AWAT2: variants seen among roughly 807,000 people sequenced by gnomAD.
AWAT2 encodes the protein 11-cis-RE-synthase.
AWAT2 carries 9 observed loss-of-function variants against 22.3 expected under a neutral mutation model. That is an observed-to-expected ratio of 0.40 (90% CI 0.24 to 0.70). The LOEUF (loss-of-function observed/expected upper bound fraction) is 0.70. AWAT2 is among the 30% of genes least tolerant of loss of function. AWAT2 has a pLI of 0.36. For synonymous variants in AWAT2, 100 were observed against 93.4 expected (o/e 1.07, Z -0.40); for missense variants, 217 against 265.9 (o/e 0.82, Z 1.28).
chrX:70,042,208 T>C lies in AWAT2; in HGVS notation c.826A>G (p.Ser276Gly). ...TCACCGATGGTGGTTACAGGCCGACTATAGGGCAGAAGGCCCCAGGAGTTC... is the reference window on the plus strand; with the variant it reads ...TCACCGATGGTGGTTACAGGCCGACCATAGGGCAGAAGGCCCCAGGAGTTC... The part of the protein sequence containing the change: ...TKNSWGLLPY[S>G]RPVTTIVGEP... Residue 276 changes from serine (S) to glycine (G), a missense_variant, in exon 6 of 8, where the codon AGT becomes GGT. Transcript: ENST00000276101. 8.3e-7 allele frequency: 1 copy of C among 1,209,910 alleles called. No homozygotes were observed. Among genetic ancestry groups the C allele is most frequent in the Non-Finnish European group, 1.1e-6 (1 of 894,758 alleles).
intron 2 of AWAT2, 36 bp from the exon 3 acceptor site, chrX:70,044,032 T>C: frequency 8.7e-7 from 1 of 1,155,529 alleles, no homozygotes; most frequent in Non-Finnish European, 1.2e-6. Context: ...GCTTTGTCCA[T>C]TCCCACTGTG....
At chrX:70,045,666 T>G (rs1315030587) in intron 1 of AWAT2, among the ~76,000 whole-genome samples, 1 of 111,882 alleles carries the variant, frequency 8.9e-6, no homozygotes, top group Non-Finnish European at 1.9e-5. Context: ...ATATTATATA[T>G]GCAGCCAAAT....
At chrX:70,044,605 C>G (rs938507190) in intron 1 of AWAT2, 143 bp from the exon 2 acceptor site, 24 of 989,178 alleles carry the variant, frequency 2.4e-5, no homozygotes, top group Non-Finnish European at 3.2e-5. Flanking sequence ...CACCCCAGCA[C>G]CTGGCCCATC....
chrX:70,043,095 G>A lies in AWAT2; in HGVS notation c.621C>T (p.Gly207=), dbSNP rs767915307. The A allele has an allele frequency of 7.5e-6, 9 of 1,194,835 alleles. No individual in the cohort carries two copies. The highest frequency in any genetic ancestry group is 1.0e-5 in the Non-Finnish European group (9 of 886,989). ...CATGCTGAAGGGCCATGCGCACAAA[G>A]CCAGACCGGTTCTTCAACACCAGGG... ...SSTLVLKNRS[G]FVRMALQHGV... The change falls in exon 5 of 8, where the codon GGC becomes GGT. Residue 207 remains glycine (G), a synonymous_variant. Coordinates refer to ENST00000276101, the MANE Select transcript of AWAT2 (RefSeq NM_001002254.1).
At chrX:70,043,033 A>G in intron 5 of AWAT2, 36 bp downstream of exon 5, 1 of 1,134,688 alleles carries the variant, frequency 8.8e-7, no homozygotes, top group South Asian at 2.2e-5. Context: ...ACACTTTTGG[A>G]TCCCTTCCGC....
chrX:70,044,236 A>G, intron 2 of AWAT2, 116 bp downstream of exon 2: 4 of 1,115,877 alleles, frequency 3.6e-6, no homozygotes, highest in Non-Finnish European at 4.8e-6. Context: ...TCTCTAGCCC[A>G]GGGAGGGACA....
At position 70,041,762 on chromosome X, in the gene AWAT2, T is replaced by A; in HGVS notation, c.*35+11A>T. Reference sequence around the variant, plus strand: ...CTTTTGTCCTCCTGTTCTCACTGGGTCCATCCATACCTTCCAGCCAGGGTG... The same window carrying A: ...CTTTTGTCCTCCTGTTCTCACTGGGACCATCCATACCTTCCAGCCAGGGTG... On this transcript the variant is annotated intron_variant, in intron 7 of 7. Coordinates refer to ENST00000276101, the MANE Select transcript of AWAT2 (RefSeq NM_001002254.1). The A allele has an allele frequency of 8.4e-7, 1 of 1,187,668 alleles. No individual in the cohort carries two copies. The highest frequency in any genetic ancestry group is 1.1e-6 in the Non-Finnish European group (1 of 878,817).
Position 70,041,887 on chromosome X carries a change from A to G in AWAT2, c.923T>C (p.Ile308Thr), listed in dbSNP as rs1180296845. The G allele has an allele frequency of 5.8e-6, 7 of 1,208,542 alleles. No homozygotes were observed. Among genetic ancestry groups the G allele is most frequent in the Non-Finnish European group, 4.5e-6 (4 of 893,966 alleles). ...GTCAAACAGTTTACGTAGGGCATCA[A>G]TATAGAGTGTGTGATATTTAGCCAC... ...EIVAKYHTLY[I>T]DALRKLFDQH... The change falls in exon 7 of 8, where the codon ATT (isoleucine) becomes ACT (threonine). Residue 308 changes from isoleucine to threonine, a missense_variant. Coordinates refer to ENST00000276101, the MANE Select transcript of AWAT2 (RefSeq NM_001002254.1).
In AWAT2 at chrX:70,044,892, C is replaced by A. The variant is rs1267036546; in HGVS notation, c.86-430G>T. Among the ~76,000 whole-genome samples, 5 of 112,568 alleles carry A rather than the reference C, an allele frequency of 4.4e-5. No homozygotes were observed. The East Asian group carries it at 1.4e-3, about 31-fold the overall frequency. On this transcript the variant is annotated intron_variant, in intron 1 of 7. Transcript: ENST00000276101. Reference sequence around the variant, plus strand: ...TCTGAGGCATTAGTTAAGGGAATACCAGGGAAAGCAAAGACCCATCTTCAG... The same window carrying A: ...TCTGAGGCATTAGTTAAGGGAATACAAGGGAAAGCAAAGACCCATCTTCAG...
rs1338998324 is a variant in AWAT2 at position 70,049,449 on chromosome X, CT to C, written c.85+398del. On this transcript the variant is annotated intron_variant, in intron 1 of 7. Coordinates refer to ENST00000276101, the MANE Select transcript of AWAT2 (RefSeq NM_001002254.1). The stretch of plus-strand genomic sequence containing the variant: ...GGTCTGCCACCTGACCCAACTATCT[CT>C]AATTGGTGGTTTGCTTGAGTCCCTG... Among the ~76,000 whole-genome samples the C allele has an allele frequency of 2.7e-5, 3 of 111,631 alleles. No homozygotes were observed. In the Admixed American group the frequency reaches 2.9e-4, roughly 11 times the overall value.
rs2020345223 is a variant in AWAT2, at chrX:70,043,697, A to G, written c.268-15T>C. ...GTCTTCAGAAGCTGCGGAAGAAAGT[A>G]GAATCAGGAGGGCTATTCCCAGGGT... On this transcript the variant is annotated splice_polypyrimidine_tract_variant and intron_variant, in intron 3 of 7. Coordinates refer to ENST00000276101, the MANE Select transcript of AWAT2 (RefSeq NM_001002254.1). 1.7e-6 allele frequency: 2 copies of G among 1,181,213 alleles called. No individual in the cohort carries two copies. The highest frequency in any genetic ancestry group is 2.3e-5 in the Admixed American group (1 of 44,252).
chrX:70,046,813 C>T (rs2020365031), intron 1 of AWAT2, among the ~76,000 whole-genome samples: 1 of 111,954 alleles, frequency 8.9e-6, no homozygotes, highest in Non-Finnish European at 1.9e-5. Context: ...TTCCTCTTTT[C>T]TAGTCTCAAC....
rs370650506 is a variant in AWAT2, at chrX:70,043,566, G to A, written c.384C>T (p.Ser128=). Residue 128 remains serine, a synonymous_variant, in exon 4 of 8, where the codon TCC becomes TCT. Transcript: ENST00000276101. ...GHFATEASGF[S]KIFPGITPYI... Reference sequence around the variant, plus strand: ...AAGGGGTGATGCCAGGAAATATCTTGGAGAAGCCTGAGGCCTCTGTGGCAA... The same window carrying A: ...AAGGGGTGATGCCAGGAAATATCTTAGAGAAGCCTGAGGCCTCTGTGGCAA... 1.2e-5 allele frequency: 14 copies of A among 1,208,715 alleles called. No homozygotes were observed. Among genetic ancestry groups the A allele is most frequent in the Admixed American group, 2.2e-5 (1 of 45,849 alleles).
At chrX:70,043,389 G>A (rs192302984) in intron 4 of AWAT2, 89 bp downstream of exon 4, 1 of 1,011,009 alleles carries the variant, frequency 9.9e-7, no homozygotes, top group Admixed American at 2.9e-5. Flanking sequence ...GAGGGGATTG[G>A]GAGCTGGCCT....
chrX:70,043,853 C>A (rs752167113), intron 3 of AWAT2, 73 bp downstream of exon 3: 3 of 1,105,880 alleles, frequency 2.7e-6, no homozygotes, highest in Non-Finnish European at 3.7e-6. Flanking sequence ...CCCTCCACCC[C>A]TAGCCTGACC....
chrX:70,041,725 C>A, intron 7 of AWAT2, 48 bp downstream of exon 7: 3 of 1,031,562 alleles, frequency 2.9e-6, no homozygotes, highest in Non-Finnish European at 1.3e-6. Flanking sequence ...GGAGCGGGAG[C>A]CTGATAGGTG....
chrX:70,043,830 A>T, intron 3 of AWAT2, 96 bp downstream of exon 3: 1 of 1,024,293 alleles, frequency 9.8e-7, no homozygotes, highest in Non-Finnish European at 1.3e-6. Context: ...CAAGAGGCTC[A>T]ATGTGGATGG....
At chrX:70,042,913 A>C in intron 5 of AWAT2, 156 bp downstream of exon 5, 2 of 483,730 alleles carry the variant, frequency 4.1e-6, no homozygotes, top group East Asian at 8.5e-5. Flanking sequence ...TTTAATTGAC[A>C]AATAAAACTT....
chrX:70,047,507 G>A (rs2020370651), intron 1 of AWAT2, among the ~76,000 whole-genome samples: 1 of 112,008 alleles, frequency 8.9e-6, no homozygotes, highest in Non-Finnish European at 1.9e-5. Context: ...TCTTGTAAGC[G>A]TGGCCTCAGG....
Sources: allele counts gnomAD v4.1 joint callset (sites outside exome capture counted in the v4.1 genomes callset), GRCh38; gene constraint gnomAD v4.1.1; transcripts MANE v1.5; gene names NCBI Gene and HGNC (gene_info 2026-07-23, HGNC 2026-07-21).